The following JAKMIP1 variants were observed in gnomAD, a reference collection of about 807,000 sequenced individuals.
The protein encoded by JAKMIP1 is janus kinase and microtubule-interacting protein 1.
A neutral mutation model predicts 113.0 loss-of-function variants in JAKMIP1; 33 were observed. The ratio of observed to expected loss-of-function variants is 0.29; its 90% confidence interval spans 0.22 to 0.39. The LOEUF is 0.39. Ranked by LOEUF, JAKMIP1 falls within the 10% of genes least tolerant of loss-of-function variation. JAKMIP1 has a pLI of 1.00. For missense variants in JAKMIP1, 813 were observed against 1,080.5 expected, an observed-to-expected ratio of 0.75 and a Z score of 3.47; for synonymous variants, 480 against 459.9, an observed-to-expected ratio of 1.04 and a Z score of -0.56.
At chr4:6,147,967 TC>T (rs1721058089) in intron 1 of JAKMIP1, among the ~76,000 whole-genome samples, 1 of 152,232 alleles carries the variant, frequency 6.6e-6, no homozygotes, top group African/African-American at 2.4e-5. Flanking sequence ...CAGACAGAAA[TC>T]CCTATCAGCC....
Position 6,084,856 on chromosome 4 carries a change from C to G in JAKMIP1, c.944G>C (p.Arg315Thr). ...CTTGGGGCTACTTACCAGTTCATTC[C>G]TCTCATCTGCCAACAGCGTATTTCT... ...EDRNTLLADE[R>T]NELLKRSRET... The change falls in exon 5 of 21, where the codon AGG becomes ACG. Residue 315 changes from arginine (R) to threonine (T), a missense_variant. Arg to Thr is a moderately conservative substitution (Grantham distance 71, BLOSUM62 -1). Around this residue, in one of 2 missense-constraint regions of JAKMIP1, gnomAD observed 540 missense variants for 653.9 expected, o/e 0.83. Transcript: ENST00000409021. The G allele has an allele frequency of 6.2e-7, 1 of 1,610,146 alleles. No homozygotes were observed. Among genetic ancestry groups the G allele is most frequent in the Non-Finnish European group, 8.5e-7 (1 of 1,179,048 alleles).
rs560950343 is a variant in JAKMIP1, at chr4:6,193,087, T to A, written c.-148+7166A>T. On this transcript the variant is annotated intron_variant, in intron 1 of 20. Coordinates refer to ENST00000409021, the MANE Select transcript of JAKMIP1 (RefSeq NM_001099433.2). This position sits in a 1 kb window ranked among gnomAD's most constrained non-coding sequence, Gnocchi z 6.4. The stretch of plus-strand genomic sequence containing the variant: ...CTAGAATAAAGCAGGCAGGAGAAGA[T>A]GGAAGAGCAAACTTGCTGAGTCTTC... 6.6e-6 allele frequency among the ~76,000 whole-genome samples: 1 copy of A among 152,150 alleles called. No individual in the cohort carries two copies. The highest frequency in any genetic ancestry group is 1.5e-5 in the Non-Finnish European group (1 of 68,018).
At chr4:6,190,205 G>GAA (rs1560351498) in intron 1 of JAKMIP1, among the ~76,000 whole-genome samples, 4 of 152,264 alleles carry the variant, frequency 2.6e-5, no homozygotes, top group Non-Finnish European at 5.9e-5. Flanking sequence ...CAGGCCATGG[G>GAA]GGGGGCTGCA....
rs1030233195 is a variant in JAKMIP1 at position 6,078,176 on chromosome 4, G to A, written c.1302+763C>T. Among the ~76,000 whole-genome samples, 14 of 152,112 alleles carry A rather than the reference G, an allele frequency of 9.2e-5. No homozygotes were observed. The East Asian group carries it at 9.6e-4, about 10-fold the overall frequency. On this transcript the variant is annotated intron_variant, in intron 8 of 20. Transcript: ENST00000409021. ...CTAAAAATACAAAATTTAGCCGGGC[G>A]TGGTGGCATGTGCCTGTAGTCCCAG... is the stretch of plus-strand genomic sequence containing the variant.
chr4:6,142,477 T>C lies in JAKMIP1; in HGVS notation c.-147-29480A>G, dbSNP rs942778780. 1.3e-5 allele frequency among the ~76,000 whole-genome samples: 2 copies of C among 152,250 alleles called. No individual in the cohort carries two copies. Among genetic ancestry groups the C allele is most frequent in the African/African-American group, 2.4e-5 (1 of 41,468 alleles). ...CTTGTCACATGAGAGAAGTCCTACGTACACTCAGCAATATGTAACAGTTAA... is the reference window on the plus strand; with the variant it reads ...CTTGTCACATGAGAGAAGTCCTACGCACACTCAGCAATATGTAACAGTTAA... On this transcript the variant is annotated intron_variant, in intron 1 of 20. Coordinates refer to ENST00000409021, the MANE Select transcript of JAKMIP1 (RefSeq NM_001099433.2). The surrounding 1 kb of genome is among the most constrained non-coding windows in gnomAD (Gnocchi z 5.5).
rs775969158 is a variant in JAKMIP1 at position 6,081,617 on chromosome 4, C to T, written c.1093G>A (p.Val365Met). ...AGGGGTCCACAGCTCACCATTTCCA[C>T]GTTTTCCCGCGTGAGGTTCTTGATT... ...EKIKNLTREN[V>M]EMKEKLSAQA... is the part of the protein sequence containing the mutation. The change falls in exon 6 of 21, where the codon GTG becomes ATG. Residue 365 changes from valine to methionine, a missense_variant. By Grantham distance (21) the Val-to-Met change is conservative. Around this residue, in one of 2 missense-constraint regions of JAKMIP1, gnomAD observed 540 missense variants for 653.9 expected, o/e 0.83. Transcript: ENST00000409021. The surrounding 1 kb of genome is among the most constrained non-coding windows in gnomAD (Gnocchi z 4.6). The T allele has an allele frequency of 1.5e-5, 24 of 1,614,038 alleles. No individual in the cohort carries two copies. Among genetic ancestry groups the T allele is most frequent in the South Asian group, 8.8e-5 (8 of 91,084 alleles).
At position 6,033,102 on chromosome 4, in the gene JAKMIP1, G is replaced by A. The variant is rs761605147; in HGVS notation, c.2379+2802C>T. The stretch of plus-strand genomic sequence containing the variant: ...TTTTACAAAAGTGCAGAATCATTCC[G>A]CTGGGAAAGGTGCCATTCACTAATG... On this transcript the variant is annotated intron_variant, in intron 19 of 20. Transcript: ENST00000409021. Among the ~76,000 whole-genome samples the A allele has an allele frequency of 5.4e-4, 82 of 152,244 alleles. 1 individual carries two copies. Among genetic ancestry groups the A allele is most frequent in the Non-Finnish European group, 4.8e-4 (33 of 68,044 alleles).
Position 6,116,338 on chromosome 4 carries a change from G to A in JAKMIP1, c.-147-3341C>T, listed in dbSNP as rs1715781269. 2.0e-5 allele frequency among the ~76,000 whole-genome samples: 3 copies of A among 151,966 alleles called. No individual in the cohort carries two copies. Among genetic ancestry groups the A allele is most frequent in the South Asian group, 4.2e-4 (2 of 4,818 alleles). On this transcript the variant is annotated intron_variant, in intron 1 of 20. Coordinates refer to ENST00000409021, the MANE Select transcript of JAKMIP1 (RefSeq NM_001099433.2). The surrounding 1 kb of genome is among the most constrained non-coding windows in gnomAD (Gnocchi z 5.1). The stretch of plus-strand genomic sequence containing the variant: ...TTAGCTTGGTGTCTGCTGCGCCCGG[G>A]GATTTTCGTTCTGAGCCCACTGCCC...
At chr4:6,055,916 T>C (rs1716354827) in intron 12 of JAKMIP1, among the ~76,000 whole-genome samples, 1 of 148,880 alleles carries the variant, frequency 6.7e-6, no homozygotes, top group African/African-American at 2.5e-5. Flanking sequence ...CCTCCCCATT[T>C]CTGCAGAGTG....
chr4:6,098,875 C>T (rs986692058), intron 3 of JAKMIP1, among the ~76,000 whole-genome samples: 2 of 152,188 alleles, frequency 1.3e-5, no homozygotes, highest in African/African-American at 4.8e-5. Flanking sequence ...TATTCTAGCA[C>T]CTTAGATTAG....
chr4:6,132,784 G>C (rs933769844), intron 1 of JAKMIP1, among the ~76,000 whole-genome samples: 2 of 151,984 alleles, frequency 1.3e-5, no homozygotes, highest in African/African-American at 4.8e-5. Context: ...AAATGTCAAC[G>C]GTCTAAATAC....
chr4:6,096,171 T>C (rs1711717455), intron 3 of JAKMIP1, among the ~76,000 whole-genome samples: 1 of 152,194 alleles, frequency 6.6e-6, no homozygotes, highest in South Asian at 2.1e-4. Context: ...TGCTGTCTTC[T>C]CTTTTGACAC....
At chr4:6,104,320 G>C (rs1383374510) in intron 3 of JAKMIP1, among the ~76,000 whole-genome samples, 1 of 152,082 alleles carries the variant, frequency 6.6e-6, no homozygotes, top group Non-Finnish European at 1.5e-5. Context: ...CTGTGGATTT[G>C]TCTGCTTCTC....
intron 1 of JAKMIP1, among the ~76,000 whole-genome samples, chr4:6,195,470 G>A (rs1727742212): frequency 6.6e-6 from 1 of 152,154 alleles, no homozygotes; most frequent in Non-Finnish European, 1.5e-5. Flanking sequence ...AAAATGATCA[G>A]GTGCTAGGCC....
Position 6,106,620 on chromosome 4 carries a change from G to T in JAKMIP1, c.130-653C>A, listed in dbSNP as rs1186911708. Among the ~76,000 whole-genome samples, 1 of 152,102 alleles carries T rather than the reference G, an allele frequency of 6.6e-6. No individual in the cohort carries two copies. Among genetic ancestry groups the T allele is most frequent in the African/African-American group, 2.4e-5 (1 of 41,400 alleles). On this transcript the variant is annotated intron_variant, in intron 2 of 20. Coordinates refer to ENST00000409021, the MANE Select transcript of JAKMIP1 (RefSeq NM_001099433.2). This position sits in a 1 kb window ranked among gnomAD's most constrained non-coding sequence, Gnocchi z 5.9. ...AAGATCAGAGACAGTCTGGTGAGCT[G>T]CCCAGGGTGAGGGATGAGGACCCTG...
At chr4:6,096,764 G>A (rs561307878) in intron 3 of JAKMIP1, among the ~76,000 whole-genome samples, 29 of 152,296 alleles carry the variant, frequency 1.9e-4, no homozygotes, top group African/African-American at 6.7e-4. Context: ...TGGAATATTT[G>A]CACATACATA....
rs1043651685 is a variant in JAKMIP1, at chr4:6,162,082, G to A, written c.-148+38171C>T. 2.0e-5 allele frequency among the ~76,000 whole-genome samples: 3 copies of A among 148,210 alleles called. No individual in the cohort carries two copies. The highest frequency in any genetic ancestry group is 3.4e-3 in the Middle Eastern group (1 of 294). ...TTGCACAGGCCAGCCATGAGCTCAGGCTCAGCCATGTCTGGGACGGGGTAG... is the reference window on the plus strand; with the variant it reads ...TTGCACAGGCCAGCCATGAGCTCAGACTCAGCCATGTCTGGGACGGGGTAG... On this transcript the variant is annotated intron_variant, in intron 1 of 20. Transcript: ENST00000409021. The surrounding 1 kb of genome is among the most constrained non-coding windows in gnomAD (Gnocchi z 5.6).
chr4:6,133,550 G>C (rs1441732764), intron 1 of JAKMIP1, among the ~76,000 whole-genome samples: 3 of 152,180 alleles, frequency 2.0e-5, no homozygotes, highest in Non-Finnish European at 4.4e-5. Flanking sequence ...TGTTCCTTCT[G>C]TGGGTCTAGT....
intron 1 of JAKMIP1, among the ~76,000 whole-genome samples, chr4:6,119,413 G>T (rs113487242): frequency 6.6e-6 from 1 of 152,138 alleles, no homozygotes. Context: ...GCGTGGTTGC[G>T]CATGGCTGTA....
Sources: gnomAD v4.1 joint callset for allele counts (sites outside exome capture counted in the v4.1 genomes callset) on GRCh38, gnomAD v4.1.1 for gene constraint, gnomAD v4.1.1 regional missense constraint, Gnocchi (gnomAD v3.1) non-coding constraint, MANE v1.5 for transcripts, NCBI Gene and HGNC (gene_info 2026-07-23, HGNC 2026-07-21) for gene names.